CSMD1: variants seen among roughly 807,000 people sequenced by gnomAD.
CSMD1 encodes CUB and Sushi multiple domains 1, also known as CUB and sushi domain-containing protein 1.
In CSMD1, 213 loss-of-function variants were observed where a neutral mutation model predicts 417.5. The observed-to-expected ratio is 0.51, with a 90% CI of 0.46 to 0.57. The LOEUF (loss-of-function observed/expected upper bound fraction) is 0.57, where lower values mean the gene tolerates loss of function less well. Among genes scored for constraint, CSMD1 ranks in the 20% least tolerant of loss-of-function variants. CSMD1 has a pLI of 0.00. For missense variants in CSMD1, 6,923 were observed against 4,529.7 expected (o/e 1.53, Z -15.17); for synonymous variants, 2,862 against 1,736.8 (o/e 1.65, Z -16.11).
At chr8:3,860,105 C>T (rs1804595453) in intron 5 of CSMD1, among the ~76,000 whole-genome samples, 2 of 151,990 alleles carry the variant, frequency 1.3e-5, no homozygotes, top group South Asian at 4.1e-4. Flanking sequence ...AAAAAGTTTG[C>T]CTTCATATTG....
chr8:3,036,308 T>C (rs909640504), intron 50 of CSMD1, among the ~76,000 whole-genome samples: 3 of 152,174 alleles, frequency 2.0e-5, no homozygotes, highest in Admixed American at 6.5e-5. Flanking sequence ...CTCTCAAAAA[T>C]TTCAGAAACT....
At chr8:4,243,028 G>T (rs1802493805) in intron 3 of CSMD1, among the ~76,000 whole-genome samples, 1 of 152,146 alleles carries the variant, frequency 6.6e-6, no homozygotes, top group Non-Finnish European at 1.5e-5. Flanking sequence ...GACTAGAATG[G>T]CAGAGGTTTT....
chr8:3,695,702 T>A (rs530433346), intron 7 of CSMD1, among the ~76,000 whole-genome samples: 1 of 152,128 alleles, frequency 6.6e-6, no homozygotes, highest in Non-Finnish European at 1.5e-5. Flanking sequence ...TATTTAAAAG[T>A]TACTAAAACA....
At chr8:4,425,303 G>A (rs908579013) in intron 2 of CSMD1, among the ~76,000 whole-genome samples, 3 of 150,536 alleles carry the variant, frequency 2.0e-5, no homozygotes, top group African/African-American at 7.3e-5. Context: ...TAATATGGAC[G>A]TATGTAGGGA....
At chr8:4,773,701 G>A (rs1190053863) in intron 1 of CSMD1, among the ~76,000 whole-genome samples, 3 of 152,082 alleles carry the variant, frequency 2.0e-5, no homozygotes. Flanking sequence ...CCACGCTAGT[G>A]TATAAGCACC....
At position 4,140,185 on chromosome 8, in the gene CSMD1, T is replaced by C. The variant is rs562649779; in HGVS notation, c.416-108086A>G. 5.8e-5 allele frequency among the ~76,000 whole-genome samples: 8 copies of C among 138,374 alleles called. 1 individual carries two copies. Among genetic ancestry groups the C allele is most frequent in the African/African-American group, 1.5e-4 (6 of 39,050 alleles). 90.8% of individuals were successfully genotyped at this position (138,374 alleles called of 152,430 possible). On this transcript the variant is annotated intron_variant, in intron 3 of 69. Coordinates refer to ENST00000635120, the MANE Select transcript of CSMD1 (RefSeq NM_033225.6). ...CTGAGCAACATAGCAAAAACCCGTA[T>C]CTAAAACCACAAAACAAATAAACAA...
intron 5 of CSMD1, among the ~76,000 whole-genome samples, chr8:3,829,965 T>C (rs1401001967): frequency 6.6e-6 from 1 of 152,222 alleles, no homozygotes; most frequent in Non-Finnish European, 1.5e-5. Context: ...TTAAAAATTT[T>C]GCTCATATGT....
intron 5 of CSMD1, among the ~76,000 whole-genome samples, chr8:3,917,084 G>A (rs978558811): frequency 1.3e-5 from 2 of 152,026 alleles, no homozygotes; most frequent in African/African-American, 2.4e-5. Flanking sequence ...AAGACACCAG[G>A]CATTTATTCA....
intron 12 of CSMD1, among the ~76,000 whole-genome samples, chr8:3,432,128 G>A (rs1027420358): frequency 3.3e-5 from 5 of 152,144 alleles, no homozygotes; most frequent in African/African-American, 1.2e-4. Context: ...CAACTTACCA[G>A]AAAGATGACT....
chr8:4,899,019 T>C (rs993944988), intron 1 of CSMD1, among the ~76,000 whole-genome samples: 1 of 152,192 alleles, frequency 6.6e-6, no homozygotes, highest in Non-Finnish European at 1.5e-5. Context: ...AGTTTTATGC[T>C]AAACACAATC....
At chr8:3,784,589 C>T (rs553169553) in intron 5 of CSMD1, among the ~76,000 whole-genome samples, 4 of 152,216 alleles carry the variant, frequency 2.6e-5, no homozygotes, top group African/African-American at 9.6e-5. Flanking sequence ...TATTAAGATG[C>T]TTCAATATAT....
At chr8:4,823,339 G>A (rs565927295) in intron 1 of CSMD1, among the ~76,000 whole-genome samples, 9 of 151,864 alleles carry the variant, frequency 5.9e-5, no homozygotes, top group African/African-American at 2.2e-4. Flanking sequence ...TTTTTAAAAT[G>A]TATTACAATT....
chr8:4,485,796 T>C (rs2130165425), intron 2 of CSMD1, among the ~76,000 whole-genome samples: 1 of 152,230 alleles, frequency 6.6e-6, no homozygotes, highest in East Asian at 1.9e-4. Context: ...CATCTGCTAC[T>C]GACAAAAGAA....
chr8:3,550,241 CTA>C (rs949515048), intron 10 of CSMD1, among the ~76,000 whole-genome samples: 11 of 152,086 alleles, frequency 7.2e-5, no homozygotes, highest in African/African-American at 2.4e-4. Context: ...AGAATACATC[CTA>C]TGTCTCACCA....
intron 2 of CSMD1, among the ~76,000 whole-genome samples, chr8:4,469,023 A>G (rs981950101): frequency 6.6e-6 from 1 of 152,230 alleles, no homozygotes; most frequent in African/African-American, 2.4e-5. Flanking sequence ...AAAGTTCAAA[A>G]GACAATGCTA....
chr8:3,766,929 C>T (rs750465169), intron 5 of CSMD1, among the ~76,000 whole-genome samples: 14 of 152,080 alleles, frequency 9.2e-5, no homozygotes, highest in African/African-American at 1.9e-4. Context: ...AGATATCCAA[C>T]GAGTCCGACG....
At chr8:3,700,888 G>C (rs761953900) in intron 7 of CSMD1, among the ~76,000 whole-genome samples, 8 of 152,276 alleles carry the variant, frequency 5.3e-5, no homozygotes, top group Non-Finnish European at 1.0e-4. Context: ...GAGGAAGGAT[G>C]TGGTTCTACT....
chr8:4,950,192 C>T (rs1294318784), intron 1 of CSMD1, among the ~76,000 whole-genome samples: 1 of 151,972 alleles, frequency 6.6e-6, no homozygotes, highest in East Asian at 1.9e-4. Context: ...AATCTTTGTA[C>T]CAATGTCTTC....
chr8:3,926,763 T>A (rs1209530261), intron 5 of CSMD1, among the ~76,000 whole-genome samples: 1 of 127,488 alleles, frequency 7.8e-6, no homozygotes, highest in Non-Finnish European at 1.6e-5. Context: ...GTAGCCAGGG[T>A]GGAATGCAGT....
Sources: allele counts gnomAD v4.1 joint callset (sites outside exome capture counted in the v4.1 genomes callset), GRCh38; gene constraint gnomAD v4.1.1; transcripts MANE v1.5; gene names NCBI Gene and HGNC (gene_info 2026-07-23, HGNC 2026-07-21).